The following SLC67A1 variants were observed in gnomAD, a reference collection of about 807,000 sequenced individuals.
SLC67A1 encodes the protein solute carrier family 67 member 1.
chr11:2,903,602 G>T, the SLC67A1 span: 2 of 1,221,166 alleles, frequency 1.6e-6, no homozygotes, highest in Non-Finnish European at 2.3e-6. Context: ...TGCTGCCAGG[G>T]CCCCTCCCAG....
At chr11:2,908,042 A>G in the SLC67A1 span, among the ~76,000 whole-genome samples, 2 of 152,044 alleles carry the variant, frequency 1.3e-5, no homozygotes, top group Non-Finnish European at 1.5e-5. Context: ...GACCTTAGAG[A>G]CCACAACAGG....
At chr11:2,909,472 CG>C in the SLC67A1 span, 1 of 794,772 alleles carries the variant, frequency 1.3e-6, no homozygotes, top group Non-Finnish European at 1.5e-6. Flanking sequence ...AAGGGCTGGA[CG>C]GGGGTGGGGG....
At chr11:2,910,463 G>A in the SLC67A1 span, among the ~76,000 whole-genome samples, 3 of 152,172 alleles carry the variant, frequency 2.0e-5, no homozygotes, top group African/African-American at 4.8e-5. Context: ...GTCGAGGCCT[G>A]AAGCAGGAGA....
At chr11:2,918,131 C>A in the SLC67A1 span, 3 of 1,542,278 alleles carry the variant, frequency 1.9e-6, no homozygotes, top group Non-Finnish European at 2.7e-6. Flanking sequence ...GCGGCCAGAG[C>A]CTGGCAGAGT....
the SLC67A1 span, among the ~76,000 whole-genome samples, chr11:2,901,643 G>C: frequency 1.3e-5 from 2 of 152,234 alleles, no homozygotes; most frequent in African/African-American, 4.8e-5. Context: ...TTGTTTACCT[G>C]TGTGCTGGCA....
the SLC67A1 span, chr11:2,925,087 C>G: frequency 6.2e-7 from 1 of 1,613,842 alleles, no homozygotes; most frequent in Non-Finnish European, 8.5e-7. The surrounding 1 kb of genome is among the most constrained non-coding windows in gnomAD (Gnocchi z 6.5). Flanking sequence ...CCTCCTGTAC[C>G]GCAGCTTTGG....
chr11:2,916,286 T>C, the SLC67A1 span: 1 of 285,774 alleles, frequency 3.5e-6, no homozygotes. Flanking sequence ...CTCCTGACCT[T>C]GGCCAGCGTG....
the SLC67A1 span, among the ~76,000 whole-genome samples, chr11:2,899,996 G>T: frequency 5.9e-5 from 9 of 152,158 alleles, no homozygotes; most frequent in Non-Finnish European, 7.3e-5. Flanking sequence ...ATTGAGTAAG[G>T]GTTCATGTGG....
At chr11:2,922,931 G>A in the SLC67A1 span, among the ~76,000 whole-genome samples, 3 of 152,304 alleles carry the variant, frequency 2.0e-5, no homozygotes, top group African/African-American at 7.2e-5. Flanking sequence ...GGGCACACAA[G>A]TGCTCAGGAG....
chr11:2,919,237 G>T, the SLC67A1 span: 3 of 1,113,552 alleles, frequency 2.7e-6, no homozygotes, highest in Non-Finnish European at 4.1e-6. Context: ...AGGCTGCTGA[G>T]GCGGGAGGGA....
chr11:2,917,195 A>G, the SLC67A1 span, among the ~76,000 whole-genome samples: 1 of 152,188 alleles, frequency 6.6e-6, no homozygotes, highest in East Asian at 1.9e-4. Context: ...TGGTCCCATG[A>G]GGAGAGGCCA....
chr11:2,902,688 G>C, the SLC67A1 span: 1 of 985,598 alleles, frequency 1.0e-6, no homozygotes, highest in Non-Finnish European at 1.2e-6. Context: ...GGCGGGGAAG[G>C]GTGGGGACAG....
chr11:2,907,197 T>A, the SLC67A1 span, among the ~76,000 whole-genome samples: 1 of 136,998 alleles, frequency 7.3e-6, no homozygotes, highest in African/African-American at 2.8e-5. This position sits in a 1 kb window ranked among gnomAD's most constrained non-coding sequence, Gnocchi z 6.7. Context: ...AGACTGAGCT[T>A]AGGGAAAGGT....
At chr11:2,922,401 C>G in the SLC67A1 span, 1 of 1,602,002 alleles carries the variant, frequency 6.2e-7, no homozygotes. Flanking sequence ...TCCCGTGAGG[C>G]CCCCACTCAG....
At chr11:2,918,166 C>T in the SLC67A1 span, 14 of 1,159,012 alleles carry the variant, frequency 1.2e-5, no homozygotes, top group African/African-American at 1.7e-4. Flanking sequence ...GGGCCCGGCC[C>T]TTCCTCTGGC....
the SLC67A1 span, chr11:2,902,602 A>G: frequency 1.0e-6 from 1 of 985,402 alleles, no homozygotes; most frequent in South Asian, 4.7e-5. Flanking sequence ...TCAGATGTGC[A>G]GTCAGCTGTT....
At chr11:2,903,815 G>A in the SLC67A1 span, 2 of 362,500 alleles carry the variant, frequency 5.5e-6, no homozygotes, top group Admixed American at 7.8e-5. Context: ...TTGCCCTCTG[G>A]AGTCCCTGCC....
At chr11:2,900,147 C>G in the SLC67A1 span, among the ~76,000 whole-genome samples, 4 of 151,780 alleles carry the variant, frequency 2.6e-5, no homozygotes, top group African/African-American at 9.7e-5. Context: ...TGACTGCACT[C>G]TCCCCAAGTC....
At chr11:2,914,845 G>A in the SLC67A1 span, 21 of 985,334 alleles carry the variant, frequency 2.1e-5, no homozygotes, top group Middle Eastern at 5.2e-4. Context: ...GAAAGGGCCC[G>A]TCTCTCTGGG....
Sources: allele counts gnomAD v4.1 joint callset (sites outside exome capture counted in the v4.1 genomes callset), GRCh38; gene constraint gnomAD v4.1.1; non-coding constraint Gnocchi (gnomAD v3.1); transcripts MANE v1.5; gene names NCBI Gene and HGNC (gene_info 2026-07-23, HGNC 2026-07-21).